ABCB1: variants seen among roughly 807,000 people sequenced by gnomAD.
ABCB1 encodes the protein ATP-dependent translocase ABCB1.
Under a neutral mutation model 142.0 loss-of-function variants are expected in ABCB1, and 69 were observed. The ratio of observed to expected loss-of-function variants is 0.49; its 90% CI spans 0.40 to 0.59. ABCB1 has a LOEUF of 0.59. Among genes scored for constraint, ABCB1 ranks in the 20% least tolerant of loss-of-function variants. ABCB1 has a pLI of 0.00. For synonymous variants in ABCB1, 532 were observed against 539.2 expected (o/e 0.99, Z 0.18); for missense variants, 1,326 against 1,554.7 (o/e 0.85, Z 2.47).
chr7:87,518,241 A>G lies in ABCB1; in HGVS notation c.2927+1085T>C, dbSNP rs28401790. 3.9e-3 allele frequency among the ~76,000 whole-genome samples: 600 copies of G among 152,314 alleles called. 4 individuals carry two copies. The highest frequency in any genetic ancestry group is 0.031 in the South Asian group (151 of 4,834). ...ACCGATAGTTAATCTTGGACTTGTG[A>G]TCATTTAAACCTATGGGACCTTTTT... On this transcript the variant is annotated intron_variant, in intron 23 of 27. Coordinates refer to ENST00000622132, the MANE Select transcript of ABCB1 (RefSeq NM_001348946.2).
intron 1 of ABCB1, among the ~76,000 whole-genome samples, chr7:87,627,172 C>G (rs184737722): frequency 1.3e-4 from 20 of 152,232 alleles, no homozygotes; most frequent in Non-Finnish European, 2.6e-4. Context: ...GATTTTTAAA[C>G]TTTAAAAACC....
chr7:87,621,772 G>T (rs746047638), intron 1 of ABCB1, among the ~76,000 whole-genome samples: 2 of 151,990 alleles, frequency 1.3e-5, no homozygotes, highest in African/African-American at 2.4e-5. Context: ...TTGTATGTCT[G>T]GAGACCTATC....
At chr7:87,575,834 G>A (rs548109736) in intron 4 of ABCB1, among the ~76,000 whole-genome samples, 2 of 152,228 alleles carry the variant, frequency 1.3e-5, no homozygotes, top group South Asian at 4.2e-4. Flanking sequence ...AACTTACAGG[G>A]CAGCATCCAA....
At chr7:87,557,180 T>C (rs2129753515) in intron 8 of ABCB1, among the ~76,000 whole-genome samples, 1 of 152,346 alleles carries the variant, frequency 6.6e-6, no homozygotes, top group Middle Eastern at 3.4e-3. Flanking sequence ...TTATATTTCT[T>C]CCTCCCTTTC....
chr7:87,613,676 A>G (rs924605763), intron 1 of ABCB1, among the ~76,000 whole-genome samples: 1 of 152,166 alleles, frequency 6.6e-6, no homozygotes, highest in African/African-American at 2.4e-5. Flanking sequence ...AAAGATGTCA[A>G]CAATAGATAC....
intron 17 of ABCB1, among the ~76,000 whole-genome samples, chr7:87,542,697 C>T (rs1052055680): frequency 4.0e-5 from 6 of 151,764 alleles, no homozygotes; most frequent in Non-Finnish European, 7.4e-5. Context: ...AGTCTACCCC[C>T]GCCAACCCCC....
At chr7:87,699,896 A>C (rs895288410) in intron 1 of ABCB1, among the ~76,000 whole-genome samples, 5 of 152,212 alleles carry the variant, frequency 3.3e-5, no homozygotes, top group African/African-American at 1.2e-4. Flanking sequence ...ATTATTAGTG[A>C]ATATAGGATG....
In ABCB1 at chr7:87,626,019, T is replaced by TAGAG. The variant is rs1462076883; in HGVS notation, c.-330-24942_-330-24941insCTCT. ...ATATATGTATATGTACATATATATA[T>TAGAG]ATATAGAGAGAGAGAGAGAGAGAGA... is the stretch of plus-strand genomic sequence containing the variant. On this transcript the variant is annotated intron_variant, in intron 1 of 28. Transcript: ENST00000265724. 2.9e-5 allele frequency among the ~76,000 whole-genome samples: 4 copies of TAGAG among 137,508 alleles called. 1 individual carries two copies. The highest frequency in any genetic ancestry group is 5.9e-5 in the African/African-American group (2 of 33,848). 90.2% of individuals were successfully genotyped at this position (137,508 alleles called of 152,430 possible).
intron 9 of ABCB1, 111 bp downstream of exon 9, chr7:87,553,650 C>T (rs1817185650): frequency 8.4e-7 from 1 of 1,189,850 alleles, no homozygotes; most frequent in Non-Finnish European, 1.2e-6. Flanking sequence ...GTGCATATGT[C>T]TGTAGTATTC....
intron 4 of ABCB1, among the ~76,000 whole-genome samples, chr7:87,580,505 T>C (rs1408404588): frequency 6.6e-6 from 1 of 152,198 alleles, no homozygotes; most frequent in Non-Finnish European, 1.5e-5. Flanking sequence ...TTTTGGGAAT[T>C]TGATTGTTAA....
intron 1 of ABCB1, among the ~76,000 whole-genome samples, chr7:87,683,054 A>G (rs1827085230): frequency 6.6e-6 from 1 of 152,154 alleles, no homozygotes; most frequent in Non-Finnish European, 1.5e-5. Flanking sequence ...TTTTTGTTTT[A>G]TTATTATTAT....
At chr7:87,564,129 T>C (rs1345777083) in intron 7 of ABCB1, 6 of 451,832 alleles carry the variant, frequency 1.3e-5, no homozygotes, top group Middle Eastern at 3.4e-4. Flanking sequence ...AAGTTTCCTA[T>C]GGAACAGACC....
intron 4 of ABCB1, among the ~76,000 whole-genome samples, chr7:87,574,609 A>G (rs1818198825): frequency 6.6e-6 from 1 of 152,046 alleles, no homozygotes; most frequent in Non-Finnish European, 1.5e-5. Context: ...ACTGTTCCCT[A>G]ACTATCCTAT....
At chr7:87,687,781 A>G (rs1174688876) in intron 1 of ABCB1, among the ~76,000 whole-genome samples, 19 of 152,218 alleles carry the variant, frequency 1.2e-4, no homozygotes, top group Admixed American at 1.2e-3. Flanking sequence ...AGCATTGCTC[A>G]GGAACTCTGG....
intron 4 of ABCB1, among the ~76,000 whole-genome samples, chr7:87,580,582 A>G (rs1183476282): frequency 6.6e-6 from 1 of 152,190 alleles, no homozygotes; most frequent in African/African-American, 2.4e-5. Context: ...GTACTTGAAT[A>G]CTGATATCTT....
At chr7:87,609,214 C>G (rs28381783) in intron 1 of ABCB1, among the ~76,000 whole-genome samples, 1 of 151,998 alleles carries the variant, frequency 6.6e-6, no homozygotes, top group African/African-American at 2.4e-5. Context: ...CAGGGCAGAC[C>G]TCATTAAGGA....
intron 1 of ABCB1, chr7:87,629,228 T>C (rs181778765): frequency 1.2e-4 from 39 of 335,238 alleles, no homozygotes; most frequent in African/African-American, 7.8e-4. Flanking sequence ...CAATCTAGCG[T>C]CAGAGTGAAA....
At position 87,566,855 on chromosome 7, in the gene ABCB1, C is replaced by A; in HGVS notation, c.460G>T (p.Ala154Ser). The A allele has an allele frequency of 5.6e-6, 9 of 1,614,126 alleles. No individual in the cohort carries two copies. The highest frequency in any genetic ancestry group is 7.6e-6 in the Non-Finnish European group (9 of 1,180,010). ...CAGCCTATCTCCTGTCGCATTATAGCATGAAAAAACTGTTTTCTAATTTTG... is the reference window on the plus strand; with the variant it reads ...CAGCCTATCTCCTGTCGCATTATAGAATGAAAAAACTGTTTTCTAATTTTG... The part of the protein sequence containing the change: ...IHKIRKQFFH[A>S]IMRQEIGWFD... The change falls in exon 6 of 28, where the codon GCT (alanine) becomes TCT (serine). Residue 154 changes from alanine to serine, a missense_variant. Transcript: ENST00000622132.
At chr7:87,535,667 T>C (rs1485605025) in intron 20 of ABCB1, among the ~76,000 whole-genome samples, 1 of 152,226 alleles carries the variant, frequency 6.6e-6, no homozygotes, top group Non-Finnish European at 1.5e-5. Flanking sequence ...TATAACTCTA[T>C]GTATTTCCTC....
Sources: gnomAD v4.1 joint callset for allele counts (sites outside exome capture counted in the v4.1 genomes callset) on GRCh38, gnomAD v4.1.1 for gene constraint, MANE v1.5 for transcripts, NCBI Gene and HGNC (gene_info 2026-07-23, HGNC 2026-07-21) for gene names.